Variants in SSPN observed in about 807,000 individuals in gnomAD.
SSPN encodes the protein K-ras oncogene-associated protein.
In SSPN, 15 loss-of-function variants were observed where a neutral mutation model predicts 19.1. That is an observed-to-expected ratio of 0.78 (90% CI 0.52 to 1.21). The LOEUF is 1.21. SSPN is among the 50% of genes most tolerant of loss of function. SSPN has a pLI of 0.00. For missense variants in SSPN, 291 were observed against 314.0 expected, an observed-to-expected ratio of 0.93 and a Z score of 0.55; for synonymous variants, 147 against 140.3, an observed-to-expected ratio of 1.05 and a Z score of -0.34.
chr12:26,203,339 G>C (rs1429596093), intron 1 of SSPN, among the ~76,000 whole-genome samples: 1 of 152,124 alleles, frequency 6.6e-6, no homozygotes, highest in African/African-American at 2.4e-5. Context: ...ATCCAGAGCT[G>C]GATGGGACCT....
chr12:26,207,788 GA>G (rs1466029154), intron 1 of SSPN, among the ~76,000 whole-genome samples: 1 of 152,116 alleles, frequency 6.6e-6, no homozygotes, highest in Non-Finnish European at 1.5e-5. Context: ...TTGAGCCTAG[GA>G]GTTCAAGCCT....
chr12:26,177,285 A>G (rs1944690273), intron 1 of SSPN, among the ~76,000 whole-genome samples: 1 of 152,132 alleles, frequency 6.6e-6, no homozygotes, highest in Non-Finnish European at 1.5e-5. Flanking sequence ...TTCACTTTTA[A>G]GTGTTGTGTT....
At chr12:26,128,003 A>G (rs1001040433) in intron 1 of SSPN, among the ~76,000 whole-genome samples, 2 of 152,236 alleles carry the variant, frequency 1.3e-5, no homozygotes, top group African/African-American at 4.8e-5. Flanking sequence ...TCTAAGGTAG[A>G]TACTATTATT....
rs556186906 is a variant in SSPN, at chr12:26,186,025, A to C, written c.-30-38268A>C. On this transcript the variant is annotated intron_variant, in intron 1 of 2. Coordinates refer to the SSPN transcript ENST00000538142. The stretch of plus-strand genomic sequence containing the variant: ...TGAACTAAAGAAAGAATGCTTTGTA[A>C]GCAGTCTACTACTGAGAAGAAATAA... Among the ~76,000 whole-genome samples, 19 of 152,312 alleles carry C rather than the reference A, an allele frequency of 1.2e-4. No individual in the cohort carries two copies. The South Asian group carries it at 3.7e-3, about 30-fold the overall frequency.
intron 1 of SSPN, among the ~76,000 whole-genome samples, chr12:26,134,509 C>A (rs2137399394): frequency 6.6e-6 from 1 of 152,336 alleles, no homozygotes; most frequent in East Asian, 1.9e-4. Context: ...ACTGCTGTAT[C>A]CCCAGTGTCT....
At chr12:26,143,421 C>T (rs983460816) in intron 1 of SSPN, among the ~76,000 whole-genome samples, 2 of 152,140 alleles carry the variant, frequency 1.3e-5, no homozygotes, top group African/African-American at 4.8e-5. Flanking sequence ...TCTTATTTCA[C>T]AGATGGAAGA....
intron 1 of SSPN, among the ~76,000 whole-genome samples, chr12:26,151,059 T>G (rs1325140609): frequency 6.6e-6 from 1 of 152,168 alleles, no homozygotes; most frequent in East Asian, 1.9e-4. Context: ...GACACTGGAA[T>G]GGCACATTTT....
chr12:26,224,446 G>A, intron 2 of SSPN, 67 bp downstream of exon 2: 2 of 1,373,968 alleles, frequency 1.5e-6, no homozygotes, highest in Non-Finnish European at 2.1e-6. Flanking sequence ...AAATAAAGGA[G>A]TGCCTTCTTA....
intron 1 of SSPN, among the ~76,000 whole-genome samples, chr12:26,209,551 A>G (rs1364927680): frequency 6.6e-6 from 1 of 151,264 alleles, no homozygotes; most frequent in African/African-American, 2.4e-5. Context: ...TCCCTTCTTC[A>G]TTTAGGTTTA....
At chr12:26,173,061 T>C (rs921604318) in intron 1 of SSPN, among the ~76,000 whole-genome samples, 2 of 152,186 alleles carry the variant, frequency 1.3e-5, no homozygotes, top group Admixed American at 6.5e-5. Context: ...CCTTCTGTTT[T>C]GTGCTGTTGA....
intron 1 of SSPN, among the ~76,000 whole-genome samples, chr12:26,129,014 G>A (rs1329165882): frequency 6.6e-6 from 1 of 152,178 alleles, no homozygotes; most frequent in Non-Finnish European, 1.5e-5. Flanking sequence ...TGCCTGAAAG[G>A]ATTAAAGTTT....
chr12:26,134,520 A>G (rs1483052836), intron 1 of SSPN, among the ~76,000 whole-genome samples: 2 of 152,256 alleles, frequency 1.3e-5, no homozygotes, highest in African/African-American at 4.8e-5. Flanking sequence ...CCCAGTGTCT[A>G]GGACAGTGTT....
intron 1 of SSPN, among the ~76,000 whole-genome samples, chr12:26,130,701 A>G (rs990165078): frequency 6.6e-6 from 1 of 152,192 alleles, no homozygotes; most frequent in African/African-American, 2.4e-5. Flanking sequence ...TTTTGGTCAC[A>G]TAAAAGAAGT....
chr12:26,181,172 C>A lies in SSPN; in HGVS notation c.-30-43121C>A, dbSNP rs1459501393. 3 of 152,182 alleles carry A rather than the reference C, an allele frequency of 2.0e-5. No homozygotes were observed. In the South Asian group the frequency reaches 6.2e-4, roughly 31 times the overall value. 9.4% of individuals were successfully genotyped at this position (152,182 alleles called of 1,614,324 possible). ...CACTGAGGTCGTATCAGTAGATAAA[C>A]TGCGATCTCTGTGGAAATCTTTTTC... On this transcript the variant is annotated intron_variant, in intron 1 of 2. Transcript: ENST00000538142.
rs570443335 is a variant in SSPN, at chr12:26,162,479, C to T, written c.-31+40327C>T. Reference sequence around the variant, plus strand: ...TAACTTAAGCCCTTATTTATTCTGTCTAGACATGGATAACTGGTTACTAGA... The same window carrying T: ...TAACTTAAGCCCTTATTTATTCTGTTTAGACATGGATAACTGGTTACTAGA... On this transcript the variant is annotated intron_variant, in intron 1 of 2. Coordinates refer to the SSPN transcript ENST00000538142. Among the ~76,000 whole-genome samples the T allele has an allele frequency of 7.4e-4, 113 of 152,306 alleles. 3 individuals carry two copies. In the South Asian group the frequency reaches 0.023, roughly 30 times the overall value.
Position 26,195,705 on chromosome 12 carries a change from G to A in SSPN, c.33G>A (p.Gln11=). ...AGAACAAGCAGCCACGCGGCCAGCA[G>A]AGGCAGGGGGGCCCGCCGGCCGCGG... is the stretch of plus-strand genomic sequence containing the variant. MGKNKQPRGQ[Q]RQGGPPAADA... The change falls in exon 1 of 3, where the codon CAG becomes CAA. Residue 11 remains glutamine (Q), a synonymous_variant. Transcript: ENST00000242729. 1 of 1,147,762 alleles carries A rather than the reference G, an allele frequency of 8.7e-7. No individual in the cohort carries two copies. Among genetic ancestry groups the A allele is most frequent in the East Asian group, 1.2e-4 (1 of 8,482 alleles). The allele number at this position is 1,147,762 out of a possible 1,614,324, so 71.1% of individuals were successfully genotyped here. A position where few individuals can be genotyped will look rare whatever the true frequency, so the allele number is the denominator to read the frequency against.
chr12:26,140,160 G>A (rs1944450515), intron 1 of SSPN, among the ~76,000 whole-genome samples: 2 of 152,080 alleles, frequency 1.3e-5, no homozygotes, highest in Non-Finnish European at 2.9e-5. Context: ...ATGAAATATA[G>A]TTGTTTTTAT....
intron 1 of SSPN, among the ~76,000 whole-genome samples, chr12:26,159,979 A>T (rs1476277341): frequency 2.6e-5 from 4 of 152,182 alleles, no homozygotes; most frequent in African/African-American, 9.7e-5. Context: ...ATTGGCTGTG[A>T]CATCTGCCTC....
Position 26,231,007 on chromosome 12 carries a change from C to A in SSPN, c.663C>A (p.Tyr221Ter). The change falls in exon 3 of 3, where the codon TAC becomes TAA. Residue 221 changes from tyrosine to a stop codon, truncating the protein, a stop_gained. Coordinates refer to ENST00000242729, the MANE Select transcript of SSPN (RefSeq NM_005086.5). LOFTEE classifies it high-confidence loss of function. ...LACFVMWKHR[Y>*]QVFYVGVRIC... Reference sequence around the variant, plus strand: ...GCTTTGTGATGTGGAAACATAGGTACCAGGTCTTCTATGTGGGTGTCAGGA... The same window carrying A: ...GCTTTGTGATGTGGAAACATAGGTAACAGGTCTTCTATGTGGGTGTCAGGA... 2 of 1,614,136 alleles carry A rather than the reference C, an allele frequency of 1.2e-6. No individual in the cohort carries two copies. The highest frequency in any genetic ancestry group is 1.7e-6 in the Non-Finnish European group (2 of 1,180,034).
Sources: gnomAD v4.1 joint callset for allele counts (sites outside exome capture counted in the v4.1 genomes callset) on GRCh38, gnomAD v4.1.1 for gene constraint, MANE v1.5 for transcripts, NCBI Gene and HGNC (gene_info 2026-07-23, HGNC 2026-07-21) for gene names.